SHC4: variants seen among roughly 807,000 people sequenced by gnomAD.
SHC4 encodes SHC adaptor protein 4, also known as SHC-transforming protein 4.
A neutral mutation model predicts 69.4 loss-of-function variants in SHC4; 41 were observed. The observed-to-expected ratio is 0.59, with a 90% confidence interval of 0.46 to 0.77. The LOEUF is 0.77. SHC4 is among the 30% of genes least tolerant of loss of function. SHC4 has a pLI of 0.00. For missense variants in SHC4, 777 were observed against 783.8 expected, an observed-to-expected ratio of 0.99 and a Z score of 0.10; for synonymous variants, 318 against 299.3, an observed-to-expected ratio of 1.06 and a Z score of -0.64.
Position 48,832,384 on chromosome 15 carries a change from C to T in SHC4, c.1737+2385G>A, listed in dbSNP as rs546526562. 3.9e-5 allele frequency among the ~76,000 whole-genome samples: 6 copies of T among 152,278 alleles called. No homozygotes were observed. The South Asian group carries it at 6.2e-4, about 16-fold the overall frequency. ...TATATTGAACCCACTGATAGTCTTA[C>T]GGTGGTTATGATAAATGTGCTGATA... is the stretch of plus-strand genomic sequence containing the variant. On this transcript the variant is annotated intron_variant, in intron 11 of 11. Coordinates refer to ENST00000332408, the MANE Select transcript of SHC4 (RefSeq NM_203349.4).
chr15:48,861,259 C>T (rs1899434907), intron 6 of SHC4, among the ~76,000 whole-genome samples: 1 of 152,188 alleles, frequency 6.6e-6, no homozygotes, highest in African/African-American at 2.4e-5. Flanking sequence ...CCAACACACC[C>T]AGCTTGAGAA....
Position 48,913,485 on chromosome 15 carries a change from C to T in SHC4, c.656+11394G>A, listed in dbSNP as rs561928647. Among the ~76,000 whole-genome samples, 12 of 152,236 alleles carry T rather than the reference C, an allele frequency of 7.9e-5. No homozygotes were observed. In the South Asian group the frequency reaches 1.5e-3, roughly 18 times the overall value. On this transcript the variant is annotated intron_variant, in intron 2 of 11. Transcript: ENST00000332408. Reference sequence around the variant, plus strand: ...CCCCAGTCCATTTCTAGATGGAGAGCGACAGGGGCTTGAAAACCTGCCCCA... The same window carrying T: ...CCCCAGTCCATTTCTAGATGGAGAGTGACAGGGGCTTGAAAACCTGCCCCA...
intron 9 of SHC4, among the ~76,000 whole-genome samples, chr15:48,846,200 A>C (rs1023182034): frequency 2.0e-5 from 3 of 152,156 alleles, no homozygotes; most frequent in Non-Finnish European, 4.4e-5. Flanking sequence ...ACCTGAGTTC[A>C]AATCCCTGGG....
intron 2 of SHC4, among the ~76,000 whole-genome samples, chr15:48,907,153 A>C (rs1372820868): frequency 1.3e-4 from 19 of 152,000 alleles, no homozygotes. Context: ...TAAGAATTAG[A>C]TATGGCCCAG....
chr15:48,834,111 T>C (rs1331736675), intron 11 of SHC4, among the ~76,000 whole-genome samples: 3 of 152,226 alleles, frequency 2.0e-5, no homozygotes, highest in Non-Finnish European at 4.4e-5. Context: ...CTACCCCATA[T>C]TGATGGCTCT....
chr15:48,829,788 G>A (rs1426668822), intron 11 of SHC4, among the ~76,000 whole-genome samples: 10 of 152,116 alleles, frequency 6.6e-5, no homozygotes, highest in Non-Finnish European at 1.5e-4. Flanking sequence ...GCATGGTGGC[G>A]CACCCCTGTG....
intron 10 of SHC4, among the ~76,000 whole-genome samples, chr15:48,841,012 A>C (rs1898979570): frequency 6.6e-6 from 1 of 151,330 alleles, no homozygotes; most frequent in Non-Finnish European, 1.5e-5. Context: ...AATGATAGAA[A>C]TTTTGTTATG....
rs1898652428 is a variant in SHC4 at position 48,824,652 on chromosome 15, A to G, written c.*1319T>C. The G allele has an allele frequency of 6.6e-6, 1 of 152,216 alleles. No individual in the cohort carries two copies. Among genetic ancestry groups the G allele is most frequent in the Admixed American group, 6.5e-5 (1 of 15,286 alleles). 9.4% of individuals were successfully genotyped at this position (152,216 alleles called of 1,614,324 possible). ...GCTTAATTTTTTACCTTAACTATAC[A>G]GACTGGTTATCAATAACGACCTCTA... On this transcript the variant is annotated 3_prime_UTR_variant, in exon 12 of 12. Coordinates refer to ENST00000332408, the MANE Select transcript of SHC4 (RefSeq NM_203349.4).
Position 48,963,100 on chromosome 15 carries a change from A to C in SHC4, c.-85T>G. The C allele has an allele frequency of 1.5e-6, 2 of 1,378,544 alleles. No homozygotes were observed. The highest frequency in any genetic ancestry group is 2.0e-6 in the Non-Finnish European group (2 of 1,014,864). The allele number at this position is 1,378,544 out of a possible 1,614,324, so 85.4% of individuals were successfully genotyped here. On this transcript the variant is annotated 5_prime_UTR_variant, in exon 1 of 12. Coordinates refer to ENST00000332408, the MANE Select transcript of SHC4 (RefSeq NM_203349.4). ...AAACGGTGCAGACATCAGATACCTC[A>C]ACGCCCGATGCAACTCACAGCAGCC... is the stretch of plus-strand genomic sequence containing the variant.
At chr15:48,898,009 C>T (rs1029021737) in intron 2 of SHC4, among the ~76,000 whole-genome samples, 2 of 152,166 alleles carry the variant, frequency 1.3e-5, no homozygotes, top group Non-Finnish European at 2.9e-5. Flanking sequence ...ACATGTTGCA[C>T]CCTAAATGTC....
At chr15:48,866,754 A>G (rs1899568986) in intron 6 of SHC4, among the ~76,000 whole-genome samples, 1 of 152,128 alleles carries the variant, frequency 6.6e-6, no homozygotes. Context: ...TAGCTCTCTA[A>G]ATTTTCAAGT....
intron 1 of SHC4, among the ~76,000 whole-genome samples, chr15:48,944,816 C>A (rs1351789449): frequency 6.6e-6 from 1 of 152,156 alleles, no homozygotes; most frequent in Non-Finnish European, 1.5e-5. Flanking sequence ...TTCAGCAGCT[C>A]TTAAATAGGC....
chr15:48,954,226 T>C (rs1258621572), intron 1 of SHC4, among the ~76,000 whole-genome samples: 1 of 152,070 alleles, frequency 6.6e-6, no homozygotes, highest in Non-Finnish European at 1.5e-5. Context: ...TCACCTCCCC[T>C]CCCAGCTAAG....
At chr15:48,894,972 C>G (rs566539849) in intron 2 of SHC4, among the ~76,000 whole-genome samples, 1 of 151,898 alleles carries the variant, frequency 6.6e-6, no homozygotes, top group South Asian at 2.1e-4. Flanking sequence ...TTTTCTTTTC[C>G]TTTTTTATTT....
At chr15:48,850,875 C>T (rs1295000038) in intron 9 of SHC4, among the ~76,000 whole-genome samples, 3 of 152,178 alleles carry the variant, frequency 2.0e-5, no homozygotes, top group Non-Finnish European at 2.9e-5. Flanking sequence ...TGAAGTGGAA[C>T]TCCCTTGGGT....
chr15:48,878,065 C>T, intron 4 of SHC4: 2 of 1,396,948 alleles, frequency 1.4e-6, no homozygotes, highest in South Asian at 1.4e-5. Context: ...GAGGACCACG[C>T]CTGCGCGCGG....
chr15:48,897,395 C>T (rs148039993), intron 2 of SHC4, among the ~76,000 whole-genome samples: 193 of 152,224 alleles, frequency 1.3e-3, no homozygotes, highest in Non-Finnish European at 2.3e-3. Flanking sequence ...CCAAACTAAT[C>T]ATCCAAACAA....
chr15:48,827,194 C>T (rs1001743031), intron 11 of SHC4, among the ~76,000 whole-genome samples: 3 of 152,124 alleles, frequency 2.0e-5, no homozygotes, highest in Non-Finnish European at 2.9e-5. Flanking sequence ...ACAAGGGATT[C>T]TTGGAGTTCT....
chr15:48,891,371 G>T (rs375926017), intron 2 of SHC4, among the ~76,000 whole-genome samples: 1 of 152,186 alleles, frequency 6.6e-6, no homozygotes, highest in Admixed American at 6.5e-5. Flanking sequence ...CAGAAGAAAA[G>T]AAATCAATAT....
Sources: allele counts gnomAD v4.1 joint callset (sites outside exome capture counted in the v4.1 genomes callset), GRCh38; gene constraint gnomAD v4.1.1; transcripts MANE v1.5; gene names NCBI Gene and HGNC (gene_info 2026-07-23, HGNC 2026-07-21).